Variants in CCDC171 observed in about 807,000 individuals in gnomAD.
The protein encoded by CCDC171 is coiled-coil domain containing 171.
A neutral mutation model predicts 168.2 loss-of-function variants in CCDC171; 177 were observed. The ratio of observed to expected loss-of-function variants is 1.05; its 90% CI spans 0.93 to 1.19. The LOEUF is 1.19. CCDC171 is among the 50% of genes most tolerant of loss of function. CCDC171 has a pLI of 0.00. For synonymous variants in CCDC171, 687 were observed against 540.8 expected (o/e 1.27, Z -3.75); for missense variants, 1,991 against 1,539.0 (o/e 1.29, Z -4.91).
At chr9:16,100,335 T>C in the CCDC171 span, among the ~76,000 whole-genome samples, 1 of 152,188 alleles carries the variant, frequency 6.6e-6, no homozygotes, top group Non-Finnish European at 1.5e-5. Flanking sequence ...AAAAACGCCA[T>C]GCATAAGCCT....
chr9:16,016,197 A>G (rs1833010325), intron 3 of CCDC171, among the ~76,000 whole-genome samples: 1 of 152,142 alleles, frequency 6.6e-6, no homozygotes, highest in Admixed American at 6.6e-5. Flanking sequence ...ACTGTTTTCC[A>G]CAGCGGCAGT....
chr9:15,793,597 C>G (rs903558176), intron 21 of CCDC171, among the ~76,000 whole-genome samples: 1 of 118,524 alleles, frequency 8.4e-6, no homozygotes, highest in South Asian at 2.9e-4. Flanking sequence ...GAGTCTCACT[C>G]TCTTCCCAGT....
intron 6 of CCDC171, among the ~76,000 whole-genome samples, chr9:15,598,842 G>A (rs951143026): frequency 6.6e-6 from 1 of 152,100 alleles, no homozygotes; most frequent in African/African-American, 2.4e-5. Flanking sequence ...CCTGTATTGG[G>A]TGCATATATA....
intron 25 of CCDC171, among the ~76,000 whole-genome samples, chr9:15,934,394 A>G (rs2132191180): frequency 6.6e-6 from 1 of 151,154 alleles, no homozygotes; most frequent in South Asian, 2.1e-4. Context: ...TGTCTCAAAA[A>G]AAAAAAAAAA....
rs557532708 is a variant in CCDC171, at chr9:15,850,133, C to T, written c.3468+1186C>T. 5.9e-5 allele frequency: 9 copies of T among 151,846 alleles called. 1 individual carries two copies. Among genetic ancestry groups the T allele is most frequent in the African/African-American group, 2.2e-4 (9 of 41,462 alleles). 9.4% of individuals were successfully genotyped at this position (151,846 alleles called of 1,614,324 possible). A position where few individuals can be genotyped will look rare whatever the true frequency, so the allele number is the denominator to read the frequency against. Reference sequence around the variant, plus strand: ...GACATCTTTGGTATGTTTTTTTGAACTTGGTGGATAGAAAAGTCAATTACG... The same window carrying T: ...GACATCTTTGGTATGTTTTTTTGAATTTGGTGGATAGAAAAGTCAATTACG... On this transcript the variant is annotated intron_variant, in intron 23 of 25. Transcript: ENST00000380701.
chr9:15,884,034 C>T (rs936028313), intron 24 of CCDC171, among the ~76,000 whole-genome samples: 1 of 152,118 alleles, frequency 6.6e-6, no homozygotes, highest in Non-Finnish European at 1.5e-5. Context: ...TTATTTTATA[C>T]AATTGTTTTC....
intron 23 of CCDC171, among the ~76,000 whole-genome samples, chr9:15,854,554 C>G (rs968902926): frequency 5.3e-5 from 8 of 151,386 alleles, no homozygotes; most frequent in Non-Finnish European, 1.0e-4. Flanking sequence ...TTGATTTGCT[C>G]CATTGTTTTT....
chr9:15,760,021 G>C (rs1249446867), intron 18 of CCDC171, among the ~76,000 whole-genome samples: 1 of 152,200 alleles, frequency 6.6e-6, no homozygotes, highest in Non-Finnish European at 1.5e-5. Flanking sequence ...AGAAATGACA[G>C]AATCTTGGGG....
At chr9:15,590,771 CTCTTTCTTTCTT>C (rs71506031) in intron 4 of CCDC171, among the ~76,000 whole-genome samples, 2,657 of 122,460 alleles carry the variant, frequency 0.022, 41 homozygotes, top group Non-Finnish European at 0.025. Context: ...TTCTTTCTTT[CTCTTTCTTTCTT>C]TCTTTCTTTC....
At chr9:16,026,814 T>C (rs1833283330) in intron 6 of CCDC171, among the ~76,000 whole-genome samples, 1 of 152,214 alleles carries the variant, frequency 6.6e-6, no homozygotes, top group Non-Finnish European at 1.5e-5. Flanking sequence ...TTCACAAAAA[T>C]GTTTATCATC....
intron 4 of CCDC171, among the ~76,000 whole-genome samples, chr9:15,583,265 A>G (rs953687148): frequency 6.6e-6 from 1 of 152,066 alleles, no homozygotes; most frequent in African/African-American, 2.4e-5. Context: ...AAATACAAAA[A>G]TTAGCTGGGT....
intron 5 of CCDC171, among the ~76,000 whole-genome samples, chr9:15,591,767 T>A (rs950474711): frequency 2.0e-5 from 3 of 152,064 alleles, no homozygotes; most frequent in Non-Finnish European, 4.4e-5. Flanking sequence ...CGGTTTGCGG[T>A]CGCTAATCAA....
intron 18 of CCDC171, among the ~76,000 whole-genome samples, chr9:15,757,979 G>T (rs533820140): frequency 6.6e-6 from 1 of 152,306 alleles, no homozygotes; most frequent in African/African-American, 2.4e-5. Flanking sequence ...TTGCTACAGG[G>T]GTGGGGCTCT....
At chr9:16,080,669 A>C in the CCDC171 span, among the ~76,000 whole-genome samples, 1 of 152,162 alleles carries the variant, frequency 6.6e-6, no homozygotes, top group African/African-American at 2.4e-5. Context: ...TGGGAGAGAA[A>C]GGAAAGCTAA....
At chr9:15,777,438 T>C (rs1376811333) in intron 18 of CCDC171, among the ~76,000 whole-genome samples, 162 bp from the exon 19 acceptor site, 2 of 152,214 alleles carry the variant, frequency 1.3e-5, no homozygotes, top group East Asian at 3.8e-4. Context: ...AATTCCTTTT[T>C]TTCATAGTGA....
At chr9:16,083,918 T>TGCTGGAGAA in the CCDC171 span, among the ~76,000 whole-genome samples, 1 of 152,214 alleles carries the variant, frequency 6.6e-6, no homozygotes, top group African/African-American at 2.4e-5. Flanking sequence ...CCTTTGGTGA[T>TGCTGGAGAA]CTCACCATGT....
chr9:15,804,828 G>C (rs930428656), intron 21 of CCDC171, among the ~76,000 whole-genome samples: 1 of 152,246 alleles, frequency 6.6e-6, no homozygotes, highest in South Asian at 2.1e-4. Flanking sequence ...CAGTGGGAAT[G>C]GTACTGGCTC....
chr9:16,085,678 G>A, the CCDC171 span, among the ~76,000 whole-genome samples: 4 of 152,300 alleles, frequency 2.6e-5, no homozygotes, highest in South Asian at 8.3e-4. Context: ...TGTGGCAGGA[G>A]GTGGTATTGA....
At chr9:15,642,279 A>G (rs1178615947) in intron 7 of CCDC171, among the ~76,000 whole-genome samples, 1 of 145,074 alleles carries the variant, frequency 6.9e-6, no homozygotes, top group Non-Finnish European at 1.5e-5. Flanking sequence ...ATGAACATAT[A>G]TGTGTGTGTG....
Sources: gnomAD v4.1 joint callset for allele counts (sites outside exome capture counted in the v4.1 genomes callset) on GRCh38, gnomAD v4.1.1 for gene constraint, MANE v1.5 for transcripts, NCBI Gene and HGNC (gene_info 2026-07-23, HGNC 2026-07-21) for gene names.